Variants in WWOX observed in about 807,000 individuals in gnomAD.
WWOX encodes WW domain containing oxidoreductase, also known as WW domain-containing oxidoreductase.
WWOX carries 69 observed loss-of-function variants against 46.2 expected under a neutral mutation model. The ratio of observed to expected loss-of-function variants is 1.49; its 90% confidence interval spans 1.23 to 1.82. WWOX has a LOEUF of 1.82. Ranked by LOEUF, WWOX falls within the 40% of genes most tolerant of loss-of-function variation. WWOX has a pLI of 0.00. For missense variants in WWOX, 919 were observed against 542.6 expected, an observed-to-expected ratio of 1.69 and a Z score of -6.89; for synonymous variants, 359 against 202.6, an observed-to-expected ratio of 1.77 and a Z score of -6.56.
intron 8 of WWOX, among the ~76,000 whole-genome samples, chr16:78,685,790 T>C (rs926647197): frequency 4.0e-5 from 6 of 151,694 alleles, no homozygotes; most frequent in Non-Finnish European, 7.4e-5. Flanking sequence ...CCATGTGTGG[T>C]GTATCTGTAA....
At chr16:79,111,369 T>C (rs2049413248) in intron 8 of WWOX, among the ~76,000 whole-genome samples, 1 of 152,244 alleles carries the variant, frequency 6.6e-6, no homozygotes, top group South Asian at 2.1e-4. Flanking sequence ...ACAGGACTTC[T>C]GGCTTTGCAG....
chr16:78,552,430 A>C (rs1011800389), intron 8 of WWOX: 1 of 152,208 alleles, frequency 6.6e-6, no homozygotes, highest in African/African-American at 2.4e-5. Flanking sequence ...CAGTTTATAC[A>C]GTTTTGTAAT....
chr16:78,505,988 G>A (rs2085193308), intron 8 of WWOX, among the ~76,000 whole-genome samples: 1 of 152,182 alleles, frequency 6.6e-6, no homozygotes, highest in Admixed American at 6.5e-5. Flanking sequence ...AAATGATCCG[G>A]CAAGAAGACA....
At chr16:78,950,953 C>A (rs932221412) in intron 8 of WWOX, among the ~76,000 whole-genome samples, 2 of 152,148 alleles carry the variant, frequency 1.3e-5, no homozygotes, top group African/African-American at 4.8e-5. Flanking sequence ...CCATAAACAT[C>A]CGGTTCTTTC....
chr16:78,860,560 C>G (rs1567609537), intron 8 of WWOX, among the ~76,000 whole-genome samples: 1 of 152,264 alleles, frequency 6.6e-6, no homozygotes, highest in South Asian at 2.1e-4. Flanking sequence ...GGGAAAGATA[C>G]TGTGAAAAAG....
At chr16:78,849,516 G>C (rs1161414853) in intron 8 of WWOX, among the ~76,000 whole-genome samples, 1 of 148,196 alleles carries the variant, frequency 6.7e-6, no homozygotes, top group Non-Finnish European at 1.5e-5. Context: ...GGAGCTTGCA[G>C]TGAGCGGAGA....
At chr16:78,867,638 T>A (rs2044034613) in intron 8 of WWOX, among the ~76,000 whole-genome samples, 1 of 152,054 alleles carries the variant, frequency 6.6e-6, no homozygotes, top group Non-Finnish European at 1.5e-5. Flanking sequence ...CATCCCAGGT[T>A]CAAGAGAGTC....
chr16:78,542,674 A>G (rs541209454), intron 8 of WWOX, among the ~76,000 whole-genome samples: 3 of 152,328 alleles, frequency 2.0e-5, no homozygotes, highest in Admixed American at 2.0e-4. Context: ...TTTATAAAAG[A>G]CACAGAAACA....
At chr16:78,702,174 G>A (rs1337124815) in intron 8 of WWOX, among the ~76,000 whole-genome samples, 5 of 144,970 alleles carry the variant, frequency 3.4e-5, no homozygotes, top group African/African-American at 5.2e-5. Context: ...CAGCTACTCC[G>A]GAGGCCGAGG....
At position 78,099,662 on chromosome 16, in the gene WWOX, C is replaced by T. The variant is rs570222940; in HGVS notation, c.-117C>T. On this transcript the variant is annotated 5_prime_UTR_variant, in exon 1 of 9. Transcript: ENST00000566780. ...AGCGGCCCCTGGAGGGCGCAGTGCGCAGGCGTGAGCGGTCGGGCCCCGACG... is the reference window on the plus strand; with the variant it reads ...AGCGGCCCCTGGAGGGCGCAGTGCGTAGGCGTGAGCGGTCGGGCCCCGACG... 244 of 1,312,834 alleles carry T rather than the reference C, an allele frequency of 1.9e-4. No homozygotes were observed. Among genetic ancestry groups the T allele is most frequent in the Non-Finnish European group, 2.0e-4 (202 of 996,208 alleles). The allele number at this position is 1,312,834 out of a possible 1,614,324, so 81.3% of individuals were successfully genotyped here. A position where few individuals can be genotyped will look rare whatever the true frequency, so the allele number is the denominator to read the frequency against.
At chr16:79,079,344 C>T (rs1020580214) in intron 8 of WWOX, among the ~76,000 whole-genome samples, 14 of 152,040 alleles carry the variant, frequency 9.2e-5, no homozygotes, top group South Asian at 2.1e-4. Context: ...CTTGGGTTCC[C>T]CCCGACAAAA....
At chr16:78,213,400 C>A (rs1468563780) in intron 5 of WWOX, among the ~76,000 whole-genome samples, 1 of 151,748 alleles carries the variant, frequency 6.6e-6, no homozygotes, top group Admixed American at 6.6e-5. Flanking sequence ...TTGCTTCTCC[C>A]CACAATCCAT....
chr16:78,115,000 C>G lies in WWOX; in HGVS notation c.255C>G (p.Tyr85Ter), dbSNP rs990150249. Residue 85 changes from tyrosine to a stop codon, truncating the protein, a stop_gained, in exon 4 of 9, where the codon TAC becomes TAG. Transcript: ENST00000566780. LOFTEE classifies it high-confidence loss of function. ...GCCATATAAATAAAAGAACCACCTA[C>G]TTGGACCCAAGACTGGCGTTTACTG... The part of the protein sequence containing the change: ...FVDHINKRTT[Y>*]LDPRLAFTVD... 2 of 1,614,240 alleles carry G rather than the reference C, an allele frequency of 1.2e-6. No individual in the cohort carries two copies. Among genetic ancestry groups the G allele is most frequent in the Non-Finnish European group, 1.7e-6 (2 of 1,180,050 alleles).
At position 78,970,468 on chromosome 16, in the gene WWOX, G is replaced by A. The variant is rs1026600332; in HGVS notation, c.1057-241140G>A. Among the ~76,000 whole-genome samples, 7 of 152,318 alleles carry A rather than the reference G, an allele frequency of 4.6e-5. No individual in the cohort carries two copies. The South Asian group carries it at 1.2e-3, about 27-fold the overall frequency. On this transcript the variant is annotated intron_variant, in intron 8 of 8. Transcript: ENST00000566780. ...CTTGAGCGATCACAGTTTATTTGGG[G>A]AACCTGGTACTACCTAATAAAACCA... is the stretch of plus-strand genomic sequence containing the variant.
chr16:79,013,029 A>C (rs1174753327), intron 8 of WWOX, among the ~76,000 whole-genome samples: 1 of 152,210 alleles, frequency 6.6e-6, no homozygotes, highest in Non-Finnish European at 1.5e-5. Context: ...AGATCGTGCC[A>C]CTGCATGTCA....
At chr16:79,171,067 T>G (rs1414857150) in intron 8 of WWOX, among the ~76,000 whole-genome samples, 3 of 152,232 alleles carry the variant, frequency 2.0e-5, no homozygotes, top group Admixed American at 2.0e-4. Context: ...GGAACTATGT[T>G]TATTCAGTGG....
chr16:78,611,737 C>T (rs935935067), intron 8 of WWOX, among the ~76,000 whole-genome samples: 11 of 152,166 alleles, frequency 7.2e-5, no homozygotes, highest in African/African-American at 2.2e-4. Flanking sequence ...TGGTGCATGT[C>T]GCTGATGGTT....
chr16:78,916,521 G>T (rs1429586560), intron 8 of WWOX, among the ~76,000 whole-genome samples: 2 of 152,158 alleles, frequency 1.3e-5, no homozygotes, highest in Non-Finnish European at 2.9e-5. Flanking sequence ...CCAGTAGAGT[G>T]ACCTTATAAT....
intron 8 of WWOX, among the ~76,000 whole-genome samples, chr16:79,210,159 C>T (rs1391431517): frequency 2.6e-5 from 4 of 152,230 alleles, no homozygotes; most frequent in African/African-American, 9.7e-5. Context: ...AGTCGTATCA[C>T]TTGACTGCAT....
Sources: allele counts gnomAD v4.1 joint callset (sites outside exome capture counted in the v4.1 genomes callset), GRCh38; gene constraint gnomAD v4.1.1; transcripts MANE v1.5; gene names NCBI Gene and HGNC (gene_info 2026-07-23, HGNC 2026-07-21).